SUGCT: variants seen among roughly 807,000 people sequenced by gnomAD.
SUGCT encodes the protein succinyl-CoA:glutarate-CoA transferase, also known as succinyl-CoA:glutarate CoA-transferase.
In SUGCT, 41 loss-of-function variants were observed where a neutral mutation model predicts 55.0. The ratio of observed to expected loss-of-function variants is 0.74; its 90% CI spans 0.58 to 0.97. The LOEUF (loss-of-function observed/expected upper bound fraction) is 0.97, where lower values mean the gene tolerates loss of function less well. SUGCT is among the 50% of genes least tolerant of loss of function. The pLI, the probability that SUGCT is intolerant of heterozygous loss-of-function variation, is 0.00. For synonymous variants in SUGCT, 187 were observed against 200.4 expected (o/e 0.93, Z 0.56); for missense variants, 568 against 547.8 (o/e 1.04, Z -0.37).
chr7:40,507,335 TAGG>T (rs1792665711), intron 12 of SUGCT, among the ~76,000 whole-genome samples: 1 of 152,086 alleles, frequency 6.6e-6, no homozygotes, highest in Non-Finnish European at 1.5e-5. Context: ...CACCTTGGGG[TAGG>T]AGATTTTAAT....
chr7:40,251,471 C>T (rs12701807), intron 7 of SUGCT, among the ~76,000 whole-genome samples: 61,284 of 151,958 alleles, frequency 0.4, 12,794 homozygotes, highest in East Asian at 0.5. Flanking sequence ...GAACGTACCA[C>T]AGGAGGCCAA....
At chr7:40,221,967 A>G (rs1788048233) in intron 6 of SUGCT, among the ~76,000 whole-genome samples, 1 of 152,238 alleles carries the variant, frequency 6.6e-6, no homozygotes, top group African/African-American at 2.4e-5. Context: ...CGCCTGAGAT[A>G]TTTAGAGACT....
At chr7:40,729,873 C>T (rs1484782101) in intron 12 of SUGCT, among the ~76,000 whole-genome samples, 1 of 152,124 alleles carries the variant, frequency 6.6e-6, no homozygotes, top group Non-Finnish European at 1.5e-5. Context: ...TGCATCCATA[C>T]CCTTTTATTT....
At chr7:40,432,560 C>T (rs1446938301) in intron 9 of SUGCT, among the ~76,000 whole-genome samples, 1 of 151,860 alleles carries the variant, frequency 6.6e-6, no homozygotes, top group Non-Finnish European at 1.5e-5. Context: ...GTGGTGGGCA[C>T]CTGTAATCCC....
Position 40,274,566 on chromosome 7 carries a change from G to A in SUGCT, c.630G>A (p.Leu210=), listed in dbSNP as rs12669315. The change falls in exon 8 of 14, where the codon CTG becomes CTA. Residue 210 remains leucine (L), a synonymous_variant. Coordinates refer to ENST00000335693, the MANE Select transcript of SUGCT (RefSeq NM_001193313.2). ...GVAMTDLATG[L]YAYGAIMAGL... is the part of the protein sequence containing the mutation. ...CTATGACTGATCTTGCCACTGGCCTGTATGCATATGGAGCTATTATGGCTG... is the reference window on the plus strand; with the variant it reads ...CTATGACTGATCTTGCCACTGGCCTATATGCATATGGAGCTATTATGGCTG... 0.35 allele frequency: 565,344 copies of A among 1,612,854 alleles called. 101,951 individuals are homozygous for A. Among genetic ancestry groups the A allele is most frequent in the East Asian group, 0.48 (21,341 of 44,820 alleles).
intron 8 of SUGCT, among the ~76,000 whole-genome samples, chr7:40,275,613 A>G (rs1792415744): frequency 6.6e-6 from 1 of 152,146 alleles, no homozygotes; most frequent in African/African-American, 2.4e-5. Flanking sequence ...GGTACCACTA[A>G]TATTCTTGTG....
At chr7:40,740,315 T>C (rs1011863484) in intron 12 of SUGCT, among the ~76,000 whole-genome samples, 6 of 151,954 alleles carry the variant, frequency 3.9e-5, no homozygotes, top group Admixed American at 1.3e-4. Context: ...TATATTTTCT[T>C]GACAATGTGG....
chr7:40,320,652 T>C (rs965181613), intron 9 of SUGCT, among the ~76,000 whole-genome samples: 1 of 152,216 alleles, frequency 6.6e-6, no homozygotes, highest in African/African-American at 2.4e-5. Context: ...TCTAGGAACC[T>C]TCATTTCCAT....
At chr7:40,526,197 A>G (rs959218112) in intron 12 of SUGCT, among the ~76,000 whole-genome samples, 1 of 152,050 alleles carries the variant, frequency 6.6e-6, no homozygotes, top group African/African-American at 2.4e-5. Context: ...TCATAATAGC[A>G]TTGTTTTTTC....
the SUGCT span, among the ~76,000 whole-genome samples, chr7:40,989,483 C>G: frequency 6.6e-6 from 1 of 152,064 alleles, no homozygotes; most frequent in African/African-American, 2.4e-5. Flanking sequence ...GAAACAACTC[C>G]TTGGCTGGCA....
At chr7:40,911,196 TAAAC>T in the SUGCT span, among the ~76,000 whole-genome samples, 1 of 152,018 alleles carries the variant, frequency 6.6e-6, no homozygotes, top group African/African-American at 2.4e-5. Context: ...ACTAAGAAGA[TAAAC>T]AACAAACAAA....
chr7:40,525,067 T>C (rs1361358533), intron 12 of SUGCT, among the ~76,000 whole-genome samples: 1 of 152,214 alleles, frequency 6.6e-6, no homozygotes, highest in East Asian at 1.9e-4. Flanking sequence ...AAACATTCAT[T>C]ATTTTGTCCT....
At chr7:41,019,158 G>A in the SUGCT span, among the ~76,000 whole-genome samples, 723 of 152,052 alleles carry the variant, frequency 4.8e-3, 19 homozygotes, top group Admixed American at 0.045. Flanking sequence ...CACCTGCCTC[G>A]GCCTCCCAAA....
intron 7 of SUGCT, among the ~76,000 whole-genome samples, chr7:40,261,593 C>T (rs1562623591): frequency 1.3e-5 from 2 of 152,176 alleles, no homozygotes; most frequent in Admixed American, 1.3e-4. Context: ...CACTCAGTAA[C>T]TCTTCTCGGT....
intron 9 of SUGCT, among the ~76,000 whole-genome samples, chr7:40,427,846 T>G (rs1172648759): frequency 6.6e-6 from 1 of 152,194 alleles, no homozygotes; most frequent in African/African-American, 2.4e-5. Flanking sequence ...CCTAACATAC[T>G]CTGGAGAATA....
chr7:40,663,480 GGTGT>G (rs1393158992), intron 12 of SUGCT, among the ~76,000 whole-genome samples: 4 of 136,336 alleles, frequency 2.9e-5, no homozygotes, highest in Non-Finnish European at 4.7e-5. Context: ...ATTACTTTGT[GGTGT>G]ATGTGTGTGT....
At chr7:40,140,149 C>T (rs1346401346) in intron 1 of SUGCT, among the ~76,000 whole-genome samples, 2 of 152,016 alleles carry the variant, frequency 1.3e-5, no homozygotes, top group African/African-American at 4.8e-5. Context: ...GTTGATCCGC[C>T]CGCCTAGGCC....
intron 13 of SUGCT, among the ~76,000 whole-genome samples, chr7:40,802,600 C>T (rs894806993): frequency 6.6e-6 from 1 of 152,156 alleles, no homozygotes; most frequent in Non-Finnish European, 1.5e-5. Context: ...AGCGGTAGAA[C>T]TGAAACCCAA....
intron 13 of SUGCT, among the ~76,000 whole-genome samples, chr7:40,843,960 T>A (rs1793419444): frequency 6.6e-6 from 1 of 152,096 alleles, no homozygotes; most frequent in African/African-American, 2.4e-5. Flanking sequence ...AAGGGGTGGC[T>A]CATTTACTCG....
Sources: allele counts gnomAD v4.1 joint callset (sites outside exome capture counted in the v4.1 genomes callset), GRCh38; gene constraint gnomAD v4.1.1; transcripts MANE v1.5; gene names NCBI Gene and HGNC (gene_info 2026-07-23, HGNC 2026-07-21).